Variants in PKHD1 observed in about 807,000 individuals in gnomAD.
PKHD1 encodes the protein PKHD1 ciliary IPT domain containing fibrocystin/polyductin, also known as fibrocystin.
A neutral mutation model predicts 412.0 loss-of-function variants in PKHD1; 291 were observed. The observed-to-expected ratio is 0.71, with a 90% CI of 0.64 to 0.78. The LOEUF is 0.78. Ranked by LOEUF, PKHD1 falls within the 30% of genes least tolerant of loss-of-function variation. The pLI is 0.00. For synonymous variants in PKHD1, 1,777 were observed against 1,821.5 expected, an observed-to-expected ratio of 0.98 and a Z score of 0.62; for missense variants, 4,825 against 4,950.7, an observed-to-expected ratio of 0.97 and a Z score of 0.76.
rs574890901 is a variant in PKHD1, at chr6:52,039,961, A to G, written c.3097+2898T>C. 5.2e-4 allele frequency among the ~76,000 whole-genome samples: 79 copies of G among 152,354 alleles called. 1 individual carries two copies. Among genetic ancestry groups the G allele is most frequent in the African/African-American group, 1.7e-3 (72 of 41,596 alleles). On this transcript the variant is annotated intron_variant, in intron 27 of 66. Coordinates refer to ENST00000371117, the MANE Select transcript of PKHD1 (RefSeq NM_138694.4). ...AGTACTGATACATGTTACAACATAC[A>G]TGAACCTTAAAAATATCATGCCAAG...
chr6:52,084,282 A>T (rs1185881400), intron 2 of PKHD1, among the ~76,000 whole-genome samples: 1 of 152,260 alleles, frequency 6.6e-6, no homozygotes, highest in African/African-American at 2.4e-5. Flanking sequence ...GTGGGGAACC[A>T]CGTCACATTA....
At chr6:51,755,332 C>A (rs547377196) in intron 55 of PKHD1, among the ~76,000 whole-genome samples, 1 of 152,072 alleles carries the variant, frequency 6.6e-6, no homozygotes, top group African/African-American at 2.4e-5. Context: ...AAATATAATG[C>A]CATTTTTTGA....
At chr6:51,667,425 A>T (rs1581946020) in intron 60 of PKHD1, among the ~76,000 whole-genome samples, 1 of 149,072 alleles carries the variant, frequency 6.7e-6, no homozygotes, top group East Asian at 2.0e-4. Flanking sequence ...GTTTGAGTTC[A>T]TTGTAGATTC....
intron 55 of PKHD1, among the ~76,000 whole-genome samples, chr6:51,758,053 A>AGAGAGAGAGAGAGAGAGAGAGAGAGAGAG (rs1491172795): frequency 6.7e-6 from 1 of 148,390 alleles, no homozygotes; most frequent in Non-Finnish European, 1.5e-5. Context: ...AGAGAGAGAG[A>AGAGAGAGAGAGAGAGAGAGAGAGAGAGAG]AAACAAAGCA....
At chr6:51,633,166 G>A (rs569023446) in intron 64 of PKHD1, among the ~76,000 whole-genome samples, 6 of 152,242 alleles carry the variant, frequency 3.9e-5, no homozygotes, top group Admixed American at 2.0e-4. Context: ...TCCTGCTGCA[G>A]CACCATATTG....
At chr6:51,808,129 C>T (rs1393239102) in intron 52 of PKHD1, among the ~76,000 whole-genome samples, 1 of 152,066 alleles carries the variant, frequency 6.6e-6, no homozygotes, top group Non-Finnish European at 1.5e-5. Flanking sequence ...TCATATCTTT[C>T]TATACTAATA....
intron 14 of PKHD1, among the ~76,000 whole-genome samples, chr6:52,061,073 C>T (rs917326439): frequency 6.6e-6 from 1 of 152,180 alleles, no homozygotes; most frequent in African/African-American, 2.4e-5. Context: ...CTCCCAAATA[C>T]ACCAAATGCA....
chr6:51,716,614 C>T (rs1431453116), intron 60 of PKHD1, among the ~76,000 whole-genome samples: 2 of 152,082 alleles, frequency 1.3e-5, no homozygotes, highest in African/African-American at 2.4e-5. Flanking sequence ...TGGATCCTGA[C>T]CTCTGGCCAC....
chr6:51,887,833 G>A (rs1420484957), intron 43 of PKHD1, among the ~76,000 whole-genome samples: 2 of 152,224 alleles, frequency 1.3e-5, no homozygotes, highest in East Asian at 1.9e-4. Context: ...ATAGCAATGC[G>A]AGAATGAACT....
chr6:52,058,416 A>T lies in PKHD1; in HGVS notation c.1419T>A (p.Ile473=). The change falls in exon 16 of 67, where the codon ATT becomes ATA. Residue 473 remains isoleucine, a synonymous_variant. Coordinates refer to ENST00000371117, the MANE Select transcript of PKHD1 (RefSeq NM_138694.4). Reference sequence around the variant, plus strand: ...CATCAGGATTCAGCCAGGTGTTGTGAATCTGGACACCAATCCTCATCCCCC... The same window carrying T: ...CATCAGGATTCAGCCAGGTGTTGTGTATCTGGACACCAATCCTCATCCCCC... The part of the protein sequence containing the change: ...PSRGMRIGVQ[I]HNTWLNPDVV... 6.2e-7 allele frequency: 1 copy of T among 1,614,098 alleles called. No homozygotes were observed. The highest frequency in any genetic ancestry group is 1.7e-5 in the Admixed American group (1 of 60,012).
At chr6:51,751,940 AG>A (rs1429658028) in intron 57 of PKHD1, among the ~76,000 whole-genome samples, 2 of 152,154 alleles carry the variant, frequency 1.3e-5, no homozygotes, top group African/African-American at 4.8e-5. Flanking sequence ...TCCCTTCCCC[AG>A]GGGATGATTT....
At chr6:51,870,698 C>A in intron 46 of PKHD1, 59 bp from the exon 47 acceptor site, 1 of 1,307,476 alleles carries the variant, frequency 7.6e-7, no homozygotes, top group East Asian at 2.3e-5. Context: ...ACATGAAATA[C>A]AATTCATAAT....
At chr6:51,863,014 AT>A (rs1774448274) in intron 48 of PKHD1, among the ~76,000 whole-genome samples, 1 of 152,210 alleles carries the variant, frequency 6.6e-6, no homozygotes, top group African/African-American at 2.4e-5. Context: ...TGTTTTGTAA[AT>A]CACAAATGTA....
intron 52 of PKHD1, among the ~76,000 whole-genome samples, chr6:51,812,807 C>T (rs73440146): frequency 0.18 from 27,620 of 152,026 alleles, 2,576 homozygotes; most frequent in African/African-American, 0.22. Flanking sequence ...AAATGTTTGC[C>T]ATCTATTACC....
At chr6:51,782,892 G>C (rs769996674) in intron 53 of PKHD1, among the ~76,000 whole-genome samples, 2 of 152,062 alleles carry the variant, frequency 1.3e-5, no homozygotes, top group Non-Finnish European at 2.9e-5. Flanking sequence ...ATCATCCAAT[G>C]AGCCTTACAG....
chr6:51,712,555 A>G (rs1474098196), intron 60 of PKHD1, among the ~76,000 whole-genome samples: 1 of 152,216 alleles, frequency 6.6e-6, no homozygotes, highest in Non-Finnish European at 1.5e-5. Context: ...TTCAGTACTC[A>G]AAGTGGTTTA....
chr6:52,029,346 T>C (rs1359930535), intron 29 of PKHD1, among the ~76,000 whole-genome samples: 2 of 152,242 alleles, frequency 1.3e-5, no homozygotes, highest in Non-Finnish European at 2.9e-5. Context: ...GCAATTTCTT[T>C]TAACTCAAAT....
chr6:51,657,767 G>A (rs1484163006), intron 61 of PKHD1, among the ~76,000 whole-genome samples: 1 of 151,976 alleles, frequency 6.6e-6, no homozygotes, highest in Non-Finnish European at 1.5e-5. Flanking sequence ...TTCTTCTGAT[G>A]TACCTCTATT....
At chr6:52,065,126 T>G (rs541910250) in intron 12 of PKHD1, 76 bp from the exon 13 acceptor site, 3 of 362,066 alleles carry the variant, frequency 8.3e-6, no homozygotes, top group African/African-American at 8.0e-5. Context: ...TGTGGGTATA[T>G]GTATAATTAT....
Sources: gnomAD v4.1 joint callset for allele counts (sites outside exome capture counted in the v4.1 genomes callset) on GRCh38, gnomAD v4.1.1 for gene constraint, MANE v1.5 for transcripts, NCBI Gene and HGNC (gene_info 2026-07-23, HGNC 2026-07-21) for gene names.